TLK2: variants seen among roughly 807,000 people sequenced by gnomAD.
TLK2 encodes the protein serine/threonine-protein kinase tousled-like 2.
A neutral mutation model predicts 117.3 loss-of-function variants in TLK2; 6 were observed. The ratio of observed to expected loss-of-function variants is 0.05; its 90% CI spans 0.03 to 0.10. TLK2 has a LOEUF of 0.10. Among genes scored for constraint, TLK2 ranks in the 10% least tolerant of loss-of-function variants. TLK2 has a pLI of 1.00. For missense variants in TLK2, 299 were observed against 901.2 expected (o/e 0.33, Z 8.56); for synonymous variants, 257 against 316.7 (o/e 0.81, Z 2.00).
rs567665321 is a variant in TLK2, at chr17:62,490,634, C to T, written c.81+9428C>T. Among the ~76,000 whole-genome samples the T allele has an allele frequency of 9.9e-5, 15 of 152,230 alleles. No individual in the cohort carries two copies. In the Middle Eastern group the frequency reaches 0.01, roughly 104 times the overall value. On this transcript the variant is annotated intron_variant, in intron 2 of 21. Coordinates refer to ENST00000346027, the MANE Select transcript of TLK2 (RefSeq NM_006852.6). Reference sequence around the variant, plus strand: ...TCGGCTCACTGCAACCTCCACCTCCCGGGTTCAAGCGATTCTCCTGCCTCA... The same window carrying T: ...TCGGCTCACTGCAACCTCCACCTCCTGGGTTCAAGCGATTCTCCTGCCTCA...
rs143700893 is a variant in TLK2 at position 62,489,975 on chromosome 17, C to T, written c.81+8769C>T. Among the ~76,000 whole-genome samples, 8 of 152,244 alleles carry T rather than the reference C, an allele frequency of 5.3e-5. No homozygotes were observed. In the East Asian group the frequency reaches 7.7e-4, roughly 15 times the overall value. The stretch of plus-strand genomic sequence containing the variant: ...CCTCCTGAGTAGCTGGAATTACAGG[C>T]GCCCACCACCACGCCTGGCTAATTT... On this transcript the variant is annotated intron_variant, in intron 2 of 21. Transcript: ENST00000346027.
chr17:62,566,144 A>G (rs1446455655), intron 11 of TLK2, among the ~76,000 whole-genome samples: 3 of 152,184 alleles, frequency 2.0e-5, no homozygotes, highest in Non-Finnish European at 4.4e-5. Context: ...CTTTAAATGT[A>G]TATAGATATC....
intron 6 of TLK2, among the ~76,000 whole-genome samples, chr17:62,529,043 A>G (rs367881585): frequency 2.6e-4 from 40 of 152,304 alleles, no homozygotes; most frequent in African/African-American, 9.4e-4. Flanking sequence ...CAGTTTTGCC[A>G]GTAGGTAAAC....
chr17:62,535,338 A>T (rs1054380439), intron 6 of TLK2, among the ~76,000 whole-genome samples: 22 of 152,162 alleles, frequency 1.4e-4, no homozygotes, highest in African/African-American at 5.3e-4. Flanking sequence ...TTCTGGAGTG[A>T]GTTATGCGTA....
chr17:62,587,819 CACATGTTGTTCTG>C (rs1317323758), intron 16 of TLK2, among the ~76,000 whole-genome samples: 25 of 152,064 alleles, frequency 1.6e-4, no homozygotes, highest in Admixed American at 1.6e-3. Context: ...AGAAGGAAAG[CACATGTTGTTCTG>C]ACCAGTTATA....
chr17:62,486,133 G>A (rs2072345208), intron 2 of TLK2, among the ~76,000 whole-genome samples: 1 of 151,382 alleles, frequency 6.6e-6, no homozygotes, highest in African/African-American at 2.4e-5. Context: ...AGTTCTTTAT[G>A]TCTTGTTGAC....
At chr17:62,574,486 C>A in intron 12 of TLK2, 2 of 744,756 alleles carry the variant, frequency 2.7e-6, no homozygotes, top group Non-Finnish European at 4.5e-6. Flanking sequence ...ACTTGGAAAA[C>A]ATCTTCATTC....
rs140828710 is a variant in TLK2, at chr17:62,604,681, C to A, written c.1860-1449C>A. Among the ~76,000 whole-genome samples the A allele has an allele frequency of 1.5e-3, 227 of 151,784 alleles. 1 individual carries two copies. Among genetic ancestry groups the A allele is most frequent in the Middle Eastern group, 0.01 (3 of 294 alleles). On this transcript the variant is annotated intron_variant, in intron 19 of 21. Coordinates refer to ENST00000346027, the MANE Select transcript of TLK2 (RefSeq NM_006852.6). ...ATCCCAGCACTTTGGGAGGCCAAGG[C>A]GGGCGGATCATGAGGTCAAGAGATC...
At chr17:62,516,177 G>C (rs1219312083) in intron 2 of TLK2, 1 of 557,456 alleles carries the variant, frequency 1.8e-6, no homozygotes, top group Non-Finnish European at 3.2e-6. Flanking sequence ...CGCTCACCTC[G>C]GCCTCCCAAA....
Position 62,498,798 on chromosome 17 carries a change from A to G in TLK2, c.81+17592A>G, listed in dbSNP as rs542969699. Among the ~76,000 whole-genome samples the G allele has an allele frequency of 1.5e-4, 23 of 152,262 alleles. No homozygotes were observed. In the South Asian group the frequency reaches 1.9e-3, roughly 12 times the overall value. On this transcript the variant is annotated intron_variant, in intron 2 of 21. Transcript: ENST00000346027. ...GTGGGGAAAAGTGAGTTAGACCTGT[A>G]TGTCTTGCTTGATACTGGAGCAAAA...
chr17:62,591,133 C>T (rs2082049780), intron 16 of TLK2, among the ~76,000 whole-genome samples: 1 of 152,088 alleles, frequency 6.6e-6, no homozygotes. Context: ...CCTGTAATCC[C>T]ACCTACTTGG....
At chr17:62,482,744 G>A (rs959956503) in intron 2 of TLK2, among the ~76,000 whole-genome samples, 5 of 152,142 alleles carry the variant, frequency 3.3e-5, no homozygotes, top group Admixed American at 2.6e-4. Flanking sequence ...GAGCCACCAC[G>A]CCCAACCAGC....
chr17:62,603,236 G>A (rs781283344), intron 19 of TLK2, among the ~76,000 whole-genome samples: 4 of 152,280 alleles, frequency 2.6e-5, no homozygotes, highest in African/African-American at 4.8e-5. Flanking sequence ...TGTGCTCATC[G>A]TGAAGCCTGC....
rs1350782245 is a variant in TLK2 at position 62,614,331 on chromosome 17, T to G, written c.*1766T>G. The stretch of plus-strand genomic sequence containing the variant: ...GGAGGGAGCCAAGAGCCTGAACATG[T>G]GGTCGCCAGCTTGGAATGTTACTGA... On this transcript the variant is annotated 3_prime_UTR_variant, in exon 22 of 22. Transcript: ENST00000346027. The G allele has an allele frequency of 6.6e-6, 1 of 152,140 alleles. No individual in the cohort carries two copies. Among genetic ancestry groups the G allele is most frequent in the East Asian group, 1.9e-4 (1 of 5,198 alleles). The allele number at this position is 152,140 out of a possible 1,614,324, so 9.4% of individuals were successfully genotyped here.
At chr17:62,601,871 C>G (rs1277692156) in intron 18 of TLK2, among the ~76,000 whole-genome samples, 171 bp from the exon 19 acceptor site, 6 of 152,192 alleles carry the variant, frequency 3.9e-5, no homozygotes, top group African/African-American at 1.4e-4. Context: ...TCAGCAGATG[C>G]TGAGGACTCT....
intron 10 of TLK2, among the ~76,000 whole-genome samples, chr17:62,560,979 C>T (rs1158746651): frequency 2.0e-5 from 3 of 152,156 alleles, no homozygotes; most frequent in African/African-American, 7.2e-5. Flanking sequence ...CCTCCCCACT[C>T]CCCACAACCC....
At chr17:62,594,600 A>G (rs541829690) in intron 16 of TLK2, among the ~76,000 whole-genome samples, 1 of 152,312 alleles carries the variant, frequency 6.6e-6, no homozygotes, top group African/African-American at 2.4e-5. Context: ...TAAAGACTAA[A>G]ACACTTCTAA....
upstream of TLK2, among the ~76,000 whole-genome samples, chr17:62,478,686 C>T (rs1171124183): frequency 0.013 from 6 of 470 alleles, no homozygotes; most frequent in Non-Finnish European, 0.02. Flanking sequence ...CAGCGGGGAC[C>T]CCCCCCCACC....
At chr17:62,559,381 T>A (rs1203345801) in intron 9 of TLK2, among the ~76,000 whole-genome samples, 5 of 151,828 alleles carry the variant, frequency 3.3e-5, no homozygotes, top group Non-Finnish European at 7.4e-5. Context: ...TTTTTTTATT[T>A]TTTATTTTTT....
Sources: allele counts gnomAD v4.1 joint callset (sites outside exome capture counted in the v4.1 genomes callset), GRCh38; gene constraint gnomAD v4.1.1; transcripts MANE v1.5; gene names NCBI Gene and HGNC (gene_info 2026-07-23, HGNC 2026-07-21).